Variants in AUTS2 observed in about 807,000 individuals in gnomAD.
The protein encoded by AUTS2 is activator of transcription and developmental regulator AUTS2, also known as autism susceptibility gene 2 protein.
Under a neutral mutation model 112.4 loss-of-function variants are expected in AUTS2, and 17 were observed. The observed-to-expected ratio is 0.15, with a 90% confidence interval of 0.10 to 0.23. The LOEUF (loss-of-function observed/expected upper bound fraction) is 0.23. Ranked by LOEUF, AUTS2 falls within the 10% of genes least tolerant of loss-of-function variation. The probability of loss-of-function intolerance (pLI) is 1.00; values close to 1 mark genes in which losing one functional copy is unlikely to be tolerated. For missense variants in AUTS2, 1,510 were observed against 1,701.6 expected (o/e 0.89, Z 1.98); for synonymous variants, 751 against 702.7 (o/e 1.07, Z -1.09).
intron 1 of AUTS2, among the ~76,000 whole-genome samples, chr7:69,662,610 T>C (rs1298443235): frequency 6.6e-6 from 1 of 152,212 alleles, no homozygotes; most frequent in Non-Finnish European, 1.5e-5. Context: ...CTTATAGGGC[T>C]GGAGCCTTCA....
At chr7:70,628,588 C>A (rs1030134229) in intron 5 of AUTS2, among the ~76,000 whole-genome samples, 10 of 151,962 alleles carry the variant, frequency 6.6e-5, no homozygotes, top group East Asian at 1.9e-4. Flanking sequence ...CCCTCCCCCC[C>A]AAAAAATCCA....
intron 2 of AUTS2, among the ~76,000 whole-genome samples, chr7:70,028,865 A>G (rs1800643621): frequency 6.6e-6 from 1 of 152,118 alleles, no homozygotes; most frequent in African/African-American, 2.4e-5. Flanking sequence ...TTGCCTGCGA[A>G]TTGAGAATAG....
At chr7:70,438,693 GCCT>G (rs956985889) in intron 5 of AUTS2, among the ~76,000 whole-genome samples, 4 of 152,182 alleles carry the variant, frequency 2.6e-5, no homozygotes, top group African/African-American at 9.7e-5. Flanking sequence ...GTCCCTGTCA[GCCT>G]CCTCTGTGAA....
chr7:70,372,183 A>C (rs1441060098), intron 4 of AUTS2, among the ~76,000 whole-genome samples: 1 of 152,226 alleles, frequency 6.6e-6, no homozygotes, highest in African/African-American at 2.4e-5. Context: ...TATTCCAGAA[A>C]GAAGAGGTAG....
chr7:69,614,321 T>TTTCC (rs1793210221), intron 1 of AUTS2, among the ~76,000 whole-genome samples: 1 of 59,734 alleles, frequency 1.7e-5, no homozygotes, highest in Admixed American at 1.8e-4. Flanking sequence ...CGTCTCTTTC[T>TTTCC]TTCTTTCTTT....
chr7:70,366,316 C>G (rs62455209), intron 4 of AUTS2, among the ~76,000 whole-genome samples: 5,053 of 151,986 alleles, frequency 0.033, 171 homozygotes, highest in Non-Finnish European at 0.042. Flanking sequence ...CAAAGAAGGA[C>G]GTAGCTAAAG....
chr7:69,704,341 G>A (rs781682291), intron 1 of AUTS2, among the ~76,000 whole-genome samples: 1 of 151,578 alleles, frequency 6.6e-6, no homozygotes, highest in Non-Finnish European at 1.5e-5. Context: ...GCGGTGGTGC[G>A]ATCTCTGCTC....
chr7:69,698,264 G>A (rs777230415), intron 1 of AUTS2, among the ~76,000 whole-genome samples: 1 of 152,062 alleles, frequency 6.6e-6, no homozygotes, highest in Non-Finnish European at 1.5e-5. Context: ...TGTGAAAACC[G>A]GTAGACAGGA....
chr7:70,579,943 A>G (rs1802357627), intron 5 of AUTS2, among the ~76,000 whole-genome samples: 1 of 152,190 alleles, frequency 6.6e-6, no homozygotes. Context: ...GAGGATGACC[A>G]ACTGCTCTGA....
intron 1 of AUTS2, among the ~76,000 whole-genome samples, chr7:69,648,050 G>T (rs1354911293): frequency 6.6e-6 from 1 of 152,058 alleles, no homozygotes; most frequent in Non-Finnish European, 1.5e-5. Context: ...TTCTAAATAA[G>T]GTCACATTGT....
chr7:69,972,055 TA>T (rs1474356944), intron 2 of AUTS2, among the ~76,000 whole-genome samples: 2 of 152,222 alleles, frequency 1.3e-5, no homozygotes, highest in East Asian at 3.8e-4. Flanking sequence ...TAGTGCACTG[TA>T]TTAGCGATTC....
intron 4 of AUTS2, among the ~76,000 whole-genome samples, chr7:70,202,978 A>G (rs1810365816): frequency 9.3e-6 from 1 of 108,026 alleles, no homozygotes; most frequent in South Asian, 3.9e-4. Flanking sequence ...TGGATTAAGA[A>G]AATGTGGCAC....
chr7:70,378,452 A>G (rs1793216378), intron 4 of AUTS2, among the ~76,000 whole-genome samples: 1 of 152,252 alleles, frequency 6.6e-6, no homozygotes, highest in African/African-American at 2.4e-5. Flanking sequence ...AAGATCTATG[A>G]GAACAAGCAT....
At chr7:69,893,257 A>G (rs1794602367) in intron 1 of AUTS2, among the ~76,000 whole-genome samples, 1 of 152,244 alleles carries the variant, frequency 6.6e-6, no homozygotes, top group African/African-American at 2.4e-5. Flanking sequence ...TAAAAAGTTT[A>G]GGCTCTGAAA....
At chr7:69,744,719 C>A (rs1301056145) in intron 1 of AUTS2, among the ~76,000 whole-genome samples, 1 of 152,008 alleles carries the variant, frequency 6.6e-6, no homozygotes, top group Non-Finnish European at 1.5e-5. Flanking sequence ...GCCTGTAGTC[C>A]CTGTTATCTG....
chr7:70,155,241 C>T (rs1396256056), intron 4 of AUTS2, among the ~76,000 whole-genome samples: 7 of 152,022 alleles, frequency 4.6e-5, no homozygotes, highest in East Asian at 3.9e-4. Flanking sequence ...GGGGAGGGTT[C>T]GATCTGGGAA....
At chr7:70,271,200 T>G (rs1162585112) in intron 4 of AUTS2, among the ~76,000 whole-genome samples, 4 of 152,194 alleles carry the variant, frequency 2.6e-5, no homozygotes, top group Non-Finnish European at 5.9e-5. Context: ...AGATGAGAAT[T>G]TGCTTTAAAG....
At chr7:70,011,165 A>G (rs1799785992) in intron 2 of AUTS2, among the ~76,000 whole-genome samples, 1 of 152,192 alleles carries the variant, frequency 6.6e-6, no homozygotes, top group Admixed American at 6.5e-5. Context: ...GAGGGGAGCC[A>G]CTGAGGATGG....
intron 4 of AUTS2, among the ~76,000 whole-genome samples, chr7:70,193,991 TTCTTC>T (rs973909478): frequency 1.3e-5 from 2 of 152,224 alleles, no homozygotes; most frequent in African/African-American, 4.8e-5. Flanking sequence ...TCAAAGCACT[TTCTTC>T]TCTTTTATTC....
Sources: allele counts gnomAD v4.1 joint callset (sites outside exome capture counted in the v4.1 genomes callset), GRCh38; gene constraint gnomAD v4.1.1; transcripts MANE v1.5; gene names NCBI Gene and HGNC (gene_info 2026-07-23, HGNC 2026-07-21).